The following NHEJ1 variants were observed in gnomAD, a reference collection of about 807,000 sequenced individuals.
NHEJ1 encodes non-homologous end-joining factor 1.
Under a neutral mutation model 39.4 loss-of-function variants are expected in NHEJ1, and 22 were observed. The ratio of observed to expected loss-of-function variants is 0.56; its 90% CI spans 0.40 to 0.80. NHEJ1 has a LOEUF of 0.80. Ranked by LOEUF, NHEJ1 falls within the 30% of genes least tolerant of loss-of-function variation. The pLI is 0.00. For missense variants in NHEJ1, 329 were observed against 357.1 expected, an observed-to-expected ratio of 0.92 and a Z score of 0.63; for synonymous variants, 154 against 135.6, an observed-to-expected ratio of 1.14 and a Z score of -0.94.
chr2:219,088,712 G>A (rs945873443), intron 5 of NHEJ1, among the ~76,000 whole-genome samples: 1 of 152,146 alleles, frequency 6.6e-6, no homozygotes, highest in Admixed American at 6.6e-5. Flanking sequence ...CTCTTGATTT[G>A]GGTGCTGGTT....
At chr2:219,135,380 GT>G (rs1949617503) in intron 5 of NHEJ1, among the ~76,000 whole-genome samples, 2 of 152,122 alleles carry the variant, frequency 1.3e-5, no homozygotes, top group African/African-American at 2.4e-5. Context: ...GCCGAGGTGG[GT>G]GGATCACTCA....
chr2:219,071,975 G>GAGAGC lies in NHEJ1; in HGVS notation c.*4401_*4405dup, dbSNP rs1448060710. 3.3e-5 allele frequency among the ~76,000 whole-genome samples: 5 copies of GAGAGC among 152,192 alleles called. No homozygotes were observed. The highest frequency in any genetic ancestry group is 7.4e-5 in the Non-Finnish European group (5 of 68,014). ...TTCCTATGTGCTAGGATAGAGAACT[G>GAGAGC]AGAGCCCAGAGCTGAGAGGATACAT... On this transcript the variant is annotated 3_prime_UTR_variant, in exon 8 of 8. Coordinates refer to ENST00000356853, the MANE Select transcript of NHEJ1 (RefSeq NM_024782.3).
chr2:219,155,753 T>C (rs1159439253), intron 3 of NHEJ1, among the ~76,000 whole-genome samples: 1 of 146,128 alleles, frequency 6.8e-6, no homozygotes, highest in African/African-American at 2.5e-5. Context: ...AAACCCTGTC[T>C]CTACTAAAAA....
chr2:219,094,470 G>C (rs1438406069), intron 5 of NHEJ1, among the ~76,000 whole-genome samples: 4 of 152,096 alleles, frequency 2.6e-5, no homozygotes, highest in Non-Finnish European at 4.4e-5. Flanking sequence ...TTCCTAAATG[G>C]ATATGATCAG....
At chr2:219,145,284 GCAATA>G (rs1293496669) in intron 5 of NHEJ1, among the ~76,000 whole-genome samples, 2 of 152,166 alleles carry the variant, frequency 1.3e-5, no homozygotes, top group Non-Finnish European at 2.9e-5. Flanking sequence ...TCAGGACTTA[GCAATA>G]CAAGTTTTCC....
intron 5 of NHEJ1, among the ~76,000 whole-genome samples, chr2:219,098,379 A>G (rs1949227165): frequency 6.6e-6 from 1 of 152,214 alleles, no homozygotes; most frequent in Admixed American, 6.5e-5. Flanking sequence ...ATAGAAAACA[A>G]AAACTTAGGG....
intron 5 of NHEJ1, among the ~76,000 whole-genome samples, chr2:219,135,349 G>A (rs1275623655): frequency 2.0e-5 from 3 of 152,302 alleles, no homozygotes; most frequent in Admixed American, 6.5e-5. Context: ...GCTCACGCCT[G>A]TAATCCCAGC....
At chr2:219,079,323 C>T (rs1574699178) in intron 5 of NHEJ1, among the ~76,000 whole-genome samples, 1 of 152,210 alleles carries the variant, frequency 6.6e-6, no homozygotes, top group Non-Finnish European at 1.5e-5. Context: ...CAGCAGCTCA[C>T]ATGAGAACCA....
At position 219,137,029 on chromosome 2, in the gene NHEJ1, C is replaced by T. The variant is rs1399545611; in HGVS notation, c.588+9651G>A. ...AAACATAAGCCCTTATAAGCCTTTG[C>T]AAAAGGAAAATAAAGAAAGAGGTCT... On this transcript the variant is annotated intron_variant, in intron 5 of 7. Coordinates refer to ENST00000356853, the MANE Select transcript of NHEJ1 (RefSeq NM_024782.3). Among the ~76,000 whole-genome samples the T allele has an allele frequency of 7.0e-5, 8 of 114,788 alleles. No homozygotes were observed. The East Asian group carries it at 1.8e-3, about 25-fold the overall frequency. 75.3% of individuals were successfully genotyped at this position (114,788 alleles called of 152,430 possible).
At chr2:219,118,445 G>A (rs1451296965) in intron 5 of NHEJ1, among the ~76,000 whole-genome samples, 2 of 151,954 alleles carry the variant, frequency 1.3e-5, no homozygotes, top group African/African-American at 4.8e-5. Flanking sequence ...CCAGAGCTCC[G>A]TTATTCACTT....
intron 5 of NHEJ1, among the ~76,000 whole-genome samples, chr2:219,126,105 T>C (rs564499493): frequency 1.7e-4 from 26 of 152,360 alleles, no homozygotes; most frequent in Admixed American, 9.8e-4. Flanking sequence ...GTAATGATAT[T>C]CCACTTTGGG....
chr2:219,077,074 T>C (rs1211367320), intron 7 of NHEJ1, among the ~76,000 whole-genome samples, 172 bp downstream of exon 7: 2 of 152,180 alleles, frequency 1.3e-5, no homozygotes, highest in Non-Finnish European at 2.9e-5. Flanking sequence ...CAAGGGAAGA[T>C]GTGCAAGACC....
intron 4 of NHEJ1, among the ~76,000 whole-genome samples, chr2:219,147,236 T>C (rs1002714277): frequency 1.3e-5 from 2 of 152,152 alleles, no homozygotes; most frequent in Non-Finnish European, 2.9e-5. Flanking sequence ...TCCCAGCACT[T>C]TGGGAGGCCA....
intron 5 of NHEJ1, among the ~76,000 whole-genome samples, chr2:219,096,936 CTG>C (rs1430942464): frequency 6.6e-6 from 1 of 152,118 alleles, no homozygotes. Flanking sequence ...CATGAACTGA[CTG>C]AGAACTTTAA....
At chr2:219,159,625 A>G in intron 1 of NHEJ1, among the ~76,000 whole-genome samples, 1 of 139,592 alleles carries the variant, frequency 7.2e-6, no homozygotes, top group Non-Finnish European at 1.6e-5. Context: ...ATACGTGGTG[A>G]TCTTTCTTTA....
chr2:219,131,102 AAAAC>A (rs1331031527), intron 5 of NHEJ1, among the ~76,000 whole-genome samples: 1 of 152,142 alleles, frequency 6.6e-6, no homozygotes, highest in Non-Finnish European at 1.5e-5. Context: ...AAAAAGAAAA[AAAAC>A]AAACAAACTG....
At chr2:219,098,555 G>C (rs907710123) in intron 5 of NHEJ1, among the ~76,000 whole-genome samples, 1 of 152,184 alleles carries the variant, frequency 6.6e-6, no homozygotes, top group Admixed American at 6.5e-5. Flanking sequence ...TATGGTTTAA[G>C]TCTGCAAGAG....
chr2:219,123,857 G>A (rs1949493005), intron 5 of NHEJ1, among the ~76,000 whole-genome samples: 1 of 152,212 alleles, frequency 6.6e-6, no homozygotes, highest in African/African-American at 2.4e-5. Context: ...GAGGGTGGGG[G>A]CTACTCTCAG....
chr2:219,142,615 G>A (rs1949702187), intron 5 of NHEJ1, among the ~76,000 whole-genome samples: 2 of 152,244 alleles, frequency 1.3e-5, no homozygotes, highest in African/African-American at 2.4e-5. Context: ...AGGGCCAGGG[G>A]AAGGAACTCC....
Sources: allele counts gnomAD v4.1 joint callset (sites outside exome capture counted in the v4.1 genomes callset), GRCh38; gene constraint gnomAD v4.1.1; transcripts MANE v1.5; gene names NCBI Gene and HGNC (gene_info 2026-07-23, HGNC 2026-07-21).